TIAM2: variants seen among roughly 807,000 people sequenced by gnomAD.
TIAM2 encodes the protein rho guanine nucleotide exchange factor TIAM2.
TIAM2 carries 80 observed loss-of-function variants against 152.9 expected under a neutral mutation model. The observed-to-expected ratio is 0.52, with a 90% confidence interval of 0.44 to 0.63. The LOEUF (loss-of-function observed/expected upper bound fraction) is 0.63, where lower values mean the gene tolerates loss of function less well. TIAM2 is among the 30% of genes least tolerant of loss of function. The probability of loss-of-function intolerance (pLI) is 0.00; values close to 1 mark genes in which losing one functional copy is unlikely to be tolerated. For synonymous variants in TIAM2, 804 were observed against 838.0 expected (o/e 0.96, Z 0.70); for missense variants, 1,965 against 2,120.1 (o/e 0.93, Z 1.44).
chr6:155,221,476 G>C (rs1197209658), intron 15 of TIAM2, among the ~76,000 whole-genome samples: 1 of 152,166 alleles, frequency 6.6e-6, no homozygotes, highest in Admixed American at 6.5e-5. Flanking sequence ...TCTGATACAG[G>C]CTTCTCCTTT....
chr6:155,037,563 CTG>C (rs997669367), intron 1 of TIAM2, among the ~76,000 whole-genome samples: 12 of 152,236 alleles, frequency 7.9e-5, no homozygotes, highest in African/African-American at 2.9e-4. Context: ...GAGCCTCACT[CTG>C]TCACCCAGGC....
At chr6:155,088,052 CT>C (rs113372173) in intron 1 of TIAM2, among the ~76,000 whole-genome samples, 682 of 119,024 alleles carry the variant, frequency 5.7e-3, no homozygotes, top group African/African-American at 0.018. Context: ...TTCTTTCTTT[CT>C]TTTTTTTTTT....
intron 13 of TIAM2, among the ~76,000 whole-genome samples, chr6:155,182,587 C>T (rs1206273664): frequency 6.6e-6 from 1 of 151,938 alleles, no homozygotes; most frequent in Non-Finnish European, 1.5e-5. Flanking sequence ...GAGTGAGACT[C>T]CTGCCTCCGT....
chr6:155,212,091 C>T (rs1028632803), intron 15 of TIAM2, among the ~76,000 whole-genome samples: 1 of 152,184 alleles, frequency 6.6e-6, no homozygotes, highest in African/African-American at 2.4e-5. Flanking sequence ...TACGGATACA[C>T]CACATTTTGT....
chr6:155,209,257 G>T (rs1389507436), intron 14 of TIAM2, among the ~76,000 whole-genome samples: 2 of 151,984 alleles, frequency 1.3e-5, no homozygotes, highest in Non-Finnish European at 2.9e-5. Flanking sequence ...TGCATCCCCA[G>T]CTCCTAGCAC....
intron 1 of TIAM2, among the ~76,000 whole-genome samples, chr6:155,016,790 C>T (rs1384994773): frequency 1.3e-5 from 2 of 151,474 alleles, no homozygotes; most frequent in South Asian, 4.2e-4. Context: ...ATCCCAGCTA[C>T]TCGGGAAGCT....
intron 13 of TIAM2, among the ~76,000 whole-genome samples, chr6:155,182,915 T>G (rs1465206788): frequency 6.6e-6 from 1 of 152,246 alleles, no homozygotes; most frequent in Non-Finnish European, 1.5e-5. Flanking sequence ...ACATTTGTTT[T>G]GCTCTTAGTG....
chr6:155,060,327 G>A (rs909474327), intron 1 of TIAM2, among the ~76,000 whole-genome samples: 1 of 151,998 alleles, frequency 6.6e-6, no homozygotes, highest in Non-Finnish European at 1.5e-5. Context: ...GCCTGAATCT[G>A]GGAGGCAGAG....
At chr6:155,045,919 C>G (rs1163933201) in intron 1 of TIAM2, among the ~76,000 whole-genome samples, 2 of 139,174 alleles carry the variant, frequency 1.4e-5, no homozygotes, top group Non-Finnish European at 3.0e-5. Flanking sequence ...GCTGTGGTGC[C>G]CAGCTTTAAG....
chr6:155,130,383 C>T lies in TIAM2; in HGVS notation c.1160C>T (p.Thr387Met), dbSNP rs764110548. 17 of 1,613,686 alleles carry T rather than the reference C, an allele frequency of 1.1e-5. No homozygotes were observed. Among genetic ancestry groups the T allele is most frequent in the South Asian group, 2.2e-5 (2 of 91,064 alleles). Residue 387 changes from threonine (T) to methionine (M), a missense_variant, in exon 4 of 27, where the codon ACG becomes ATG. By Grantham distance (81) the Thr-to-Met change is moderately conservative. This residue lies in a region of TIAM2 where 1,025 missense variants were observed against 1,119.4 expected (regional missense o/e 0.92). Coordinates refer to ENST00000682666, the MANE Select transcript of TIAM2 (RefSeq NM_012454.4). ...AGGATGCGACGGATCAGTGACTGGA[C>T]GGGAAGCCTCTCAAGGAAGAAAAGG... ...KARMRRISDW[T>M]GSLSRKKRKL...
chr6:155,180,265 G>A (rs567782860), intron 12 of TIAM2, among the ~76,000 whole-genome samples: 356 of 152,258 alleles, frequency 2.3e-3, no homozygotes, highest in African/African-American at 7.9e-3. Context: ...TAGCCTGGGC[G>A]ACAAGAGCGA....
chr6:155,163,779 G>A (rs534353601), intron 7 of TIAM2, among the ~76,000 whole-genome samples: 4 of 152,316 alleles, frequency 2.6e-5, no homozygotes, highest in African/African-American at 9.6e-5. Context: ...GGGAAATGAA[G>A]CAAAGTGAAA....
In TIAM2 at chr6:155,145,077, G is replaced by C. The variant is rs531124485; in HGVS notation, c.1803+299G>C. ...TGATCCCTGTCCTGGAGTAGCTGGC[G>C]ATCTAGTGAGCGCAATGGTCAAGAT... On this transcript the variant is annotated intron_variant, in intron 6 of 26. Transcript: ENST00000682666. Among the ~76,000 whole-genome samples, 682 of 152,268 alleles carry C rather than the reference G, an allele frequency of 4.5e-3. 7 individuals carry two copies. The highest frequency in any genetic ancestry group is 0.015 in the African/African-American group (634 of 41,546).
At chr6:155,030,486 G>T (rs566439952) in intron 1 of TIAM2, among the ~76,000 whole-genome samples, 4 of 152,234 alleles carry the variant, frequency 2.6e-5, no homozygotes, top group African/African-American at 9.6e-5. Flanking sequence ...TGGTTGTTAG[G>T]AGGAACAAGC....
chr6:155,089,035 T>C (rs1778236097), intron 1 of TIAM2, among the ~76,000 whole-genome samples: 1 of 152,116 alleles, frequency 6.6e-6, no homozygotes, highest in Non-Finnish European at 1.5e-5. Flanking sequence ...TCTAAAAAGG[T>C]AAGTCTCACT....
At chr6:155,062,006 G>C (rs1324662229) in intron 1 of TIAM2, among the ~76,000 whole-genome samples, 1 of 152,010 alleles carries the variant, frequency 6.6e-6, no homozygotes, top group Non-Finnish European at 1.5e-5. Flanking sequence ...TGTCTTTTCT[G>C]GAGTGTCTCT....
chr6:155,198,799 T>C (rs1166122459), intron 14 of TIAM2, among the ~76,000 whole-genome samples: 1 of 152,012 alleles, frequency 6.6e-6, no homozygotes, highest in East Asian at 1.9e-4. Context: ...ATAAATCTGA[T>C]GCAAGGGAAT....
At chr6:155,025,943 G>C (rs1355961868) in intron 1 of TIAM2, among the ~76,000 whole-genome samples, 1 of 151,686 alleles carries the variant, frequency 6.6e-6, no homozygotes. Flanking sequence ...TGGGACAAAA[G>C]CCTCCTTGAG....
At chr6:155,131,859 G>T (rs781237752) in intron 4 of TIAM2, among the ~76,000 whole-genome samples, 1 of 152,096 alleles carries the variant, frequency 6.6e-6, no homozygotes, top group Non-Finnish European at 1.5e-5. Flanking sequence ...GATTACAAGC[G>T]TGAGCCACCA....
Sources: gnomAD v4.1 joint callset for allele counts (sites outside exome capture counted in the v4.1 genomes callset) on GRCh38, gnomAD v4.1.1 for gene constraint, gnomAD v4.1.1 regional missense constraint, MANE v1.5 for transcripts, NCBI Gene and HGNC (gene_info 2026-07-23, HGNC 2026-07-21) for gene names.